The following TMEM59 variants were observed in gnomAD, a reference collection of about 807,000 sequenced individuals.
The protein encoded by TMEM59 is dendritic cell factor 1.
In TMEM59, 44 loss-of-function variants were observed where a neutral mutation model predicts 42.2. That is an observed-to-expected ratio of 1.04 (90% CI 0.82 to 1.34). The LOEUF is 1.34. Ranked by LOEUF, TMEM59 falls within the 40% of genes most tolerant of loss-of-function variation. The probability of loss-of-function intolerance (pLI) is 0.00; values close to 1 mark genes in which losing one functional copy is unlikely to be tolerated. For missense variants in TMEM59, 359 were observed against 382.8 expected, an observed-to-expected ratio of 0.94 and a Z score of 0.52; for synonymous variants, 148 against 145.8, an observed-to-expected ratio of 1.02 and a Z score of -0.11.
rs774512705 is a variant in TMEM59, at chr1:54,047,357, C to A, written c.205G>T (p.Ala69Ser). ...AACAGCCTGCAACCTCTCTGACATG[C>A]GTACAACTCCTCTTCCTAGGGAGTT... is the stretch of plus-strand genomic sequence containing the variant. ...HTYPKEEELY[A>S]CQRGCRLFSI... The change falls in exon 2 of 8, where the codon GCA becomes TCA. Residue 69 changes from alanine (A) to serine (S), a missense_variant. Coordinates refer to ENST00000234831, the MANE Select transcript of TMEM59 (RefSeq NM_004872.5). 2 of 1,613,288 alleles carry A rather than the reference C, an allele frequency of 1.2e-6. No homozygotes were observed. Among genetic ancestry groups the A allele is most frequent in the Admixed American group, 1.7e-5 (1 of 59,694 alleles).
At chr1:54,039,920 C>T (rs924185870) in intron 6 of TMEM59, among the ~76,000 whole-genome samples, 1 of 151,926 alleles carries the variant, frequency 6.6e-6, no homozygotes, top group African/African-American at 2.4e-5. Context: ...TGCCTCTCAC[C>T]CTCATAAGGC....
chr1:54,037,824 G>A (rs1657004305), intron 6 of TMEM59, among the ~76,000 whole-genome samples: 1 of 152,134 alleles, frequency 6.6e-6, no homozygotes, highest in African/African-American at 2.4e-5. Flanking sequence ...TGTTTTTAAT[G>A]AACAAATACC....
chr1:54,046,907 T>G (rs1657357092), intron 2 of TMEM59, among the ~76,000 whole-genome samples: 2 of 152,194 alleles, frequency 1.3e-5, no homozygotes, highest in Admixed American at 6.5e-5. Context: ...AGTAAAAAAC[T>G]TGGAGATAAG....
At chr1:54,044,470 G>A (rs1288594766) in intron 3 of TMEM59, 1 of 150,508 alleles carries the variant, frequency 6.6e-6, no homozygotes, top group Middle Eastern at 3.2e-3. Context: ...CTAAACTCTA[G>A]GGATAGCTTT....
chr1:54,030,953 A>T lies in TMEM59; in HGVS notation c.*1197T>A, dbSNP rs1656747859. 1 of 152,210 alleles carries T rather than the reference A, an allele frequency of 6.6e-6. No individual in the cohort carries two copies. Among genetic ancestry groups the T allele is most frequent in the Non-Finnish European group, 1.5e-5 (1 of 68,030 alleles). 9.4% of individuals were successfully genotyped at this position (152,210 alleles called of 1,614,324 possible). A position where few individuals can be genotyped will look rare whatever the true frequency, so the allele number is the denominator to read the frequency against. ...TTATGGCATAATAACAGTGAATCATATTAGAATTCTGGTGTAGGCTGGGCA... is the reference window on the plus strand; with the variant it reads ...TTATGGCATAATAACAGTGAATCATTTTAGAATTCTGGTGTAGGCTGGGCA... On this transcript the variant is annotated 3_prime_UTR_variant, in exon 8 of 8. Coordinates refer to ENST00000234831, the MANE Select transcript of TMEM59 (RefSeq NM_004872.5).
At chr1:54,048,235 G>C (rs1183798818) in intron 1 of TMEM59, among the ~76,000 whole-genome samples, 4 of 152,168 alleles carry the variant, frequency 2.6e-5, no homozygotes, top group African/African-American at 9.7e-5. Flanking sequence ...AAACACAGGA[G>C]CAACAGTGTG....
chr1:54,032,120 T>C lies in TMEM59; in HGVS notation c.*30A>G, dbSNP rs1656781694. ...TATGAGGAGTGGAATTTTAGATGTC[T>C]ATTACACTTGTCTTTTAAAAGAAAA... On this transcript the variant is annotated 3_prime_UTR_variant, in exon 8 of 8. Coordinates refer to ENST00000234831, the MANE Select transcript of TMEM59 (RefSeq NM_004872.5). The C allele has an allele frequency of 6.3e-7, 1 of 1,597,522 alleles. No homozygotes were observed. Among genetic ancestry groups the C allele is most frequent in the Non-Finnish European group, 8.5e-7 (1 of 1,171,674 alleles).
intron 2 of TMEM59, 98 bp downstream of exon 2, chr1:54,047,169 A>G (rs1657367207): frequency 2.1e-6 from 2 of 962,396 alleles, no homozygotes; most frequent in Admixed American, 2.9e-5. Context: ...GACTAGTTTC[A>G]ACAGTGTGTT....
chr1:54,034,869 G>A (rs1656894971), intron 7 of TMEM59: 1 of 152,162 alleles, frequency 6.6e-6, no homozygotes, highest in East Asian at 1.9e-4. Context: ...ATTCACATGT[G>A]ACCGTTGGCT....
Position 54,053,005 on chromosome 1 carries a change from G to A in TMEM59, c.184C>T (p.Pro62Ser), listed in dbSNP as rs200184854. 498 of 1,613,444 alleles carry A rather than the reference G, an allele frequency of 3.1e-4. No individual in the cohort carries two copies. Among genetic ancestry groups the A allele is most frequent in the Non-Finnish European group, 3.9e-4 (456 of 1,179,660 alleles). The change falls in exon 1 of 8, where the codon CCT becomes TCT. Residue 62 changes from proline (P) to serine (S), a missense_variant. By Grantham distance (74) the Pro-to-Ser change is moderately conservative. Transcript: ENST00000234831. ...CQLTYPLHTY[P>S]KEEELYACQR... ...CCGCTCCGGACGGGCCCTACCTTAG[G>A]GTAGGTGTGCAAGGGGTAGGTCAAC...
At chr1:54,036,368 C>A (rs777190577) in intron 7 of TMEM59, among the ~76,000 whole-genome samples, 3 of 151,934 alleles carry the variant, frequency 2.0e-5, no homozygotes, top group Non-Finnish European at 4.4e-5. Context: ...GAAAGAGACA[C>A]CGTTCTCAAG....
intron 5 of TMEM59, among the ~76,000 whole-genome samples, chr1:54,041,143 C>T (rs1420867990): frequency 2.6e-5 from 4 of 152,136 alleles, no homozygotes; most frequent in Non-Finnish European, 5.9e-5. Context: ...ATGTTATGTG[C>T]TATCATTATC....
At chr1:54,047,151 T>C (rs1657366679) in intron 2 of TMEM59, 116 bp downstream of exon 2, 1 of 768,980 alleles carries the variant, frequency 1.3e-6, no homozygotes, top group Non-Finnish European at 2.0e-6. Context: ...AATTACAATA[T>C]GTTAGATGAC....
At chr1:54,037,125 T>C (rs999494120) in intron 6 of TMEM59, among the ~76,000 whole-genome samples, 1 of 152,204 alleles carries the variant, frequency 6.6e-6, no homozygotes, top group African/African-American at 2.4e-5. Flanking sequence ...AGGTATAGAA[T>C]AGGTAAATTT....
intron 2 of TMEM59, 96 bp from the exon 3 acceptor site, chr1:54,045,882 T>A: frequency 1.8e-6 from 2 of 1,085,880 alleles, no homozygotes; most frequent in Non-Finnish European, 2.6e-6. Context: ...TTTTTATACT[T>A]AAAAAGGTTT....
intron 7 of TMEM59, among the ~76,000 whole-genome samples, chr1:54,032,728 C>T (rs1159689057): frequency 6.6e-6 from 1 of 152,198 alleles, no homozygotes; most frequent in Non-Finnish European, 1.5e-5. Flanking sequence ...ATGAAATGCT[C>T]TCACACTGAT....
At chr1:54,048,263 C>T (rs1351116998) in intron 1 of TMEM59, among the ~76,000 whole-genome samples, 1 of 152,182 alleles carries the variant, frequency 6.6e-6, no homozygotes, top group Non-Finnish European at 1.5e-5. Context: ...GGAAAGGACA[C>T]TGCAATCAGC....
At chr1:54,036,402 G>A (rs904815218) in intron 7 of TMEM59, among the ~76,000 whole-genome samples, 5 of 151,936 alleles carry the variant, frequency 3.3e-5, no homozygotes, top group Admixed American at 2.6e-4. Context: ...ATGTCACCAC[G>A]GTAGTTAGCA....
At chr1:54,042,885 AGTT>A (rs1657188921) in intron 4 of TMEM59, among the ~76,000 whole-genome samples, 1 of 152,216 alleles carries the variant, frequency 6.6e-6, no homozygotes, top group African/African-American at 2.4e-5. Context: ...AGGGAATAAC[AGTT>A]ATTATCATGT....
Sources: allele counts gnomAD v4.1 joint callset (sites outside exome capture counted in the v4.1 genomes callset), GRCh38; gene constraint gnomAD v4.1.1; transcripts MANE v1.5; gene names NCBI Gene and HGNC (gene_info 2026-07-23, HGNC 2026-07-21).